Variants in AGAP1 observed in about 807,000 individuals in gnomAD.
The protein encoded by AGAP1 is ArfGAP with GTPase domain, ankyrin repeat and PH domain 1.
Under a neutral mutation model 105.3 loss-of-function variants are expected in AGAP1, and 29 were observed. The observed-to-expected ratio is 0.28, with a 90% CI of 0.21 to 0.38. The LOEUF is 0.38. AGAP1 is among the 10% of genes least tolerant of loss of function. The pLI, the probability that AGAP1 is intolerant of heterozygous loss-of-function variation, is 1.00. For missense variants in AGAP1, 998 were observed against 1,165.1 expected (o/e 0.86, Z 2.09); for synonymous variants, 509 against 485.9 (o/e 1.05, Z -0.63).
At chr2:235,807,202 C>T (rs200280947) in intron 8 of AGAP1, 37 bp from the exon 9 acceptor site, 9 of 1,596,328 alleles carry the variant, frequency 5.6e-6, no homozygotes. Flanking sequence ...TGAACCACAG[C>T]CCTTACCCAG....
rs12470301 is a variant in AGAP1 at position 235,549,559 on chromosome 2, C to G, written c.163+54710C>G. Among the ~76,000 whole-genome samples, 37,553 of 152,046 alleles carry G rather than the reference C, an allele frequency of 0.25. 5,185 individuals are homozygous for G. The highest frequency in any genetic ancestry group is 0.44 in the East Asian group (2,245 of 5,158). On this transcript the variant is annotated intron_variant, in intron 1 of 17. Coordinates refer to ENST00000304032, the MANE Select transcript of AGAP1 (RefSeq NM_001037131.3). This position sits in a 1 kb window ranked among gnomAD's most constrained non-coding sequence, Gnocchi z 4.2. ...TTTCACGTACAGAGTTGCATTGCTC[C>G]TCCGTCTTCCGCGTGCCTGTGGGCA...
intron 6 of AGAP1, among the ~76,000 whole-genome samples, chr2:235,776,465 T>C (rs1251381427): frequency 2.0e-5 from 3 of 152,240 alleles, no homozygotes; most frequent in Non-Finnish European, 2.9e-5. Context: ...GATTCTTTCC[T>C]GTTCGAAAGC....
At chr2:235,886,996 G>A (rs1335962561) in intron 10 of AGAP1, among the ~76,000 whole-genome samples, 1 of 152,186 alleles carries the variant, frequency 6.6e-6, no homozygotes, top group East Asian at 1.9e-4. Context: ...GGACACCCAC[G>A]AGCCGAATCC....
Position 235,725,521 on chromosome 2 carries a change from AC to A in AGAP1, c.310+7878del, listed in dbSNP as rs901630545. Among the ~76,000 whole-genome samples the A allele has an allele frequency of 3.3e-5, 5 of 151,940 alleles. No homozygotes were observed. The highest frequency in any genetic ancestry group is 7.2e-5 in the African/African-American group (3 of 41,452). On this transcript the variant is annotated intron_variant, in intron 3 of 17. Coordinates refer to ENST00000304032, the MANE Select transcript of AGAP1 (RefSeq NM_001037131.3). This position sits in a 1 kb window ranked among gnomAD's most constrained non-coding sequence, Gnocchi z 5.7. ...ATGTTCCAGTGGAAAAAAAAAAAAA[AC>A]ACCTGTAATACTCCAGTAACATTTG...
At position 235,556,062 on chromosome 2, in the gene AGAP1, G is replaced by A. The variant is rs115227243; in HGVS notation, c.163+61213G>A. Reference sequence around the variant, plus strand: ...GGGAGAAACAGCATCCTGCAGGAGAGCAATGCCTCCAGCTTGGCTTCTGGA... The same window carrying A: ...GGGAGAAACAGCATCCTGCAGGAGAACAATGCCTCCAGCTTGGCTTCTGGA... On this transcript the variant is annotated intron_variant, in intron 1 of 17. Coordinates refer to ENST00000304032, the MANE Select transcript of AGAP1 (RefSeq NM_001037131.3). The surrounding 1 kb of genome is among the most constrained non-coding windows in gnomAD (Gnocchi z 5.3). Among the ~76,000 whole-genome samples the A allele has an allele frequency of 1.7e-3, 259 of 152,352 alleles. 1 individual carries two copies. Among genetic ancestry groups the A allele is most frequent in the African/African-American group, 5.9e-3 (247 of 41,594 alleles).
At chr2:235,589,236 G>GTTTTTT (rs1945250180) in intron 1 of AGAP1, among the ~76,000 whole-genome samples, 2 of 55,248 alleles carry the variant, frequency 3.6e-5, no homozygotes. Context: ...ACGGAGTTTC[G>GTTTTTT]TTCTTGTTGT....
intron 1 of AGAP1, among the ~76,000 whole-genome samples, chr2:235,519,344 G>T (rs1296416003): frequency 6.6e-6 from 1 of 151,976 alleles, no homozygotes; most frequent in African/African-American, 2.4e-5. Flanking sequence ...AGTTGCTGGG[G>T]TTACAGTCAT....
chr2:235,931,055 G>T lies in AGAP1; in HGVS notation c.1483+132G>T. On this transcript the variant is annotated intron_variant, in intron 12 of 17. Transcript: ENST00000304032. This position sits in a 1 kb window ranked among gnomAD's most constrained non-coding sequence, Gnocchi z 5.6. ...AGCACCCTGTGGGGCGGCTGCATCA[G>T]AGACTCACATCTTGCCTTTCATCTG... 9.8e-7 allele frequency: 1 copy of T among 1,022,592 alleles called. No homozygotes were observed. The highest frequency in any genetic ancestry group is 1.4e-6 in the Non-Finnish European group (1 of 728,946). The allele number at this position is 1,022,592 out of a possible 1,614,324, so 63.3% of individuals were successfully genotyped here. A position where few individuals can be genotyped will look rare whatever the true frequency, so the allele number is the denominator to read the frequency against.
At chr2:235,897,291 C>T (rs1234289813) in intron 10 of AGAP1, among the ~76,000 whole-genome samples, 2 of 152,144 alleles carry the variant, frequency 1.3e-5, no homozygotes, top group African/African-American at 4.8e-5. Flanking sequence ...CCGCCCACCT[C>T]GGCCTCCCAA....
Position 235,733,094 on chromosome 2 carries a change from C to T in AGAP1, c.311-7869C>T, listed in dbSNP as rs1367426243. ...CTTCTTTAGGGACCAGGGCTCTGCTCTTCCTGGGAATTTACCACATCCTCT... is the reference window on the plus strand; with the variant it reads ...CTTCTTTAGGGACCAGGGCTCTGCTTTTCCTGGGAATTTACCACATCCTCT... On this transcript the variant is annotated intron_variant, in intron 3 of 17. Coordinates refer to ENST00000304032, the MANE Select transcript of AGAP1 (RefSeq NM_001037131.3). The surrounding 1 kb of genome is among the most constrained non-coding windows in gnomAD (Gnocchi z 5.0). 6.6e-6 allele frequency among the ~76,000 whole-genome samples: 1 copy of T among 152,216 alleles called. No individual in the cohort carries two copies. The highest frequency in any genetic ancestry group is 1.5e-5 in the Non-Finnish European group (1 of 68,026).
At chr2:235,899,889 TA>T (rs1304713586) in intron 10 of AGAP1, among the ~76,000 whole-genome samples, 2 of 152,212 alleles carry the variant, frequency 1.3e-5, no homozygotes, top group Non-Finnish European at 2.9e-5. Flanking sequence ...TCAGGCAGTG[TA>T]AACCTCAATA....
intron 16 of AGAP1, among the ~76,000 whole-genome samples, chr2:236,071,255 TTTTA>T (rs2058488095): frequency 6.6e-6 from 1 of 152,196 alleles, no homozygotes; most frequent in African/African-American, 2.4e-5. Context: ...GTCCAACAGA[TTTTA>T]TTTGAGACCA....
At chr2:235,894,224 C>G (rs1267674011) in intron 10 of AGAP1, among the ~76,000 whole-genome samples, 1 of 152,196 alleles carries the variant, frequency 6.6e-6, no homozygotes, top group African/African-American at 2.4e-5. Flanking sequence ...CTGCAAGTTT[C>G]TAAGACTGGC....
At chr2:235,902,247 C>T (rs746261348) in intron 10 of AGAP1, among the ~76,000 whole-genome samples, 1 of 152,106 alleles carries the variant, frequency 6.6e-6, no homozygotes, top group African/African-American at 2.4e-5. Flanking sequence ...TATTTCAACC[C>T]TCATTTCAGA....
chr2:235,878,065 C>G (rs1248416056), intron 9 of AGAP1, among the ~76,000 whole-genome samples: 1 of 152,198 alleles, frequency 6.6e-6, no homozygotes, highest in East Asian at 1.9e-4. Context: ...CGTGGAAACC[C>G]GAGAGTGTGG....
intron 1 of AGAP1, among the ~76,000 whole-genome samples, chr2:235,603,134 TC>T (rs1945789148): frequency 1.3e-5 from 2 of 152,138 alleles, no homozygotes; most frequent in South Asian, 4.1e-4. Flanking sequence ...GAGGGTGGTT[TC>T]CCCCATACTG....
chr2:235,947,003 C>A (rs1298315419), intron 12 of AGAP1, among the ~76,000 whole-genome samples: 1 of 152,180 alleles, frequency 6.6e-6, no homozygotes, highest in Non-Finnish European at 1.5e-5. Context: ...TCATCTACTC[C>A]TTCCTTTCCT....
chr2:235,670,902 T>A (rs2149359201), intron 1 of AGAP1: 1 of 1,342,882 alleles, frequency 7.4e-7, no homozygotes, highest in Non-Finnish European at 9.5e-7. Flanking sequence ...CTGCGCTTCT[T>A]CAGCGGCATC....
Position 235,754,232 on chromosome 2 carries a change from C to G in AGAP1, c.673+3744C>G, listed in dbSNP as rs1055414923. Among the ~76,000 whole-genome samples the G allele has an allele frequency of 6.6e-6, 1 of 152,184 alleles. No homozygotes were observed. The highest frequency in any genetic ancestry group is 1.5e-5 in the Non-Finnish European group (1 of 68,038). ...CTTTGCCCACAGGTCTGGGGAGGGC[C>G]TTGCAGGGGATGCACCCAGCCAGCA... On this transcript the variant is annotated intron_variant, in intron 6 of 17. Coordinates refer to ENST00000304032, the MANE Select transcript of AGAP1 (RefSeq NM_001037131.3). This position sits in a 1 kb window ranked among gnomAD's most constrained non-coding sequence, Gnocchi z 4.6.
Sources: gnomAD v4.1 joint callset for allele counts (sites outside exome capture counted in the v4.1 genomes callset) on GRCh38, gnomAD v4.1.1 for gene constraint, Gnocchi (gnomAD v3.1) non-coding constraint, MANE v1.5 for transcripts, NCBI Gene and HGNC (gene_info 2026-07-23, HGNC 2026-07-21) for gene names.